Variants in ZFAND3 observed in about 807,000 individuals in gnomAD.
ZFAND3 encodes AN1-type zinc finger protein 3.
Under a neutral mutation model 29.6 loss-of-function variants are expected in ZFAND3, and 10 were observed. The observed-to-expected ratio is 0.34, with a 90% CI of 0.21 to 0.57. The LOEUF (loss-of-function observed/expected upper bound fraction) is 0.57. Ranked by LOEUF, ZFAND3 falls within the 20% of genes least tolerant of loss-of-function variation. The pLI is 0.86. For missense variants in ZFAND3, 230 were observed against 304.5 expected (o/e 0.76, Z 1.82); for synonymous variants, 128 against 112.6 (o/e 1.14, Z -0.87).
chr6:38,019,685 A>G (rs1763312908), intron 2 of ZFAND3, among the ~76,000 whole-genome samples: 1 of 152,026 alleles, frequency 6.6e-6, no homozygotes, highest in African/African-American at 2.4e-5. Context: ...TATGTTTTTG[A>G]TGAAAGACAT....
chr6:37,837,074 C>T (rs534951988), intron 1 of ZFAND3, among the ~76,000 whole-genome samples: 13 of 152,268 alleles, frequency 8.5e-5, no homozygotes, highest in African/African-American at 3.1e-4. Context: ...GTCTCTCCCC[C>T]TCCCCCGTAT....
At chr6:38,029,318 C>T (rs1443608557) in intron 2 of ZFAND3, among the ~76,000 whole-genome samples, 2 of 152,170 alleles carry the variant, frequency 1.3e-5, no homozygotes, top group African/African-American at 4.8e-5. Flanking sequence ...TACAAATTTT[C>T]AGCCTTTGGA....
rs182444126 is a variant in ZFAND3, at chr6:37,879,584, A to G, written c.72-50375A>G. ...AAATGAGTTAACTGTAATTAAAGGT[A>G]CTTAAAAATGTGTGTTTCTTAAACT... On this transcript the variant is annotated intron_variant, in intron 1 of 5. Coordinates refer to ENST00000287218, the MANE Select transcript of ZFAND3 (RefSeq NM_021943.3). Among the ~76,000 whole-genome samples the G allele has an allele frequency of 3.3e-5, 5 of 152,320 alleles. No homozygotes were observed. In the East Asian group the frequency reaches 9.6e-4, roughly 29 times the overall value.
At chr6:37,883,918 C>T (rs184555109) in intron 1 of ZFAND3, among the ~76,000 whole-genome samples, 2 of 145,258 alleles carry the variant, frequency 1.4e-5, no homozygotes, top group Non-Finnish European at 3.0e-5. Flanking sequence ...AGGAGATTCG[C>T]CAGGCCTGGG....
At chr6:38,095,509 T>G (rs933616525) in intron 4 of ZFAND3, among the ~76,000 whole-genome samples, 2 of 152,156 alleles carry the variant, frequency 1.3e-5, no homozygotes, top group Admixed American at 6.5e-5. Context: ...ACCTGAAACC[T>G]TTTTCCTAGC....
intron 4 of ZFAND3, among the ~76,000 whole-genome samples, chr6:38,101,176 T>C (rs1255095418): frequency 1.3e-5 from 2 of 152,232 alleles, no homozygotes; most frequent in East Asian, 1.9e-4. Context: ...ACAATTTTCA[T>C]AATAATGATT....
At chr6:38,021,346 G>A (rs1581845625) in intron 2 of ZFAND3, among the ~76,000 whole-genome samples, 1 of 152,316 alleles carries the variant, frequency 6.6e-6, no homozygotes, top group East Asian at 1.9e-4. Flanking sequence ...TGAGAGAAGA[G>A]GTAGGAAAGA....
chr6:37,954,732 T>G (rs1762056464), intron 2 of ZFAND3, among the ~76,000 whole-genome samples: 1 of 152,240 alleles, frequency 6.6e-6, no homozygotes, highest in Non-Finnish European at 1.5e-5. Flanking sequence ...CATGCTTTAT[T>G]CTGGGATACA....
intron 1 of ZFAND3, among the ~76,000 whole-genome samples, chr6:37,920,663 T>C (rs897958956): frequency 1.3e-5 from 2 of 152,232 alleles, no homozygotes; most frequent in African/African-American, 4.8e-5. Flanking sequence ...GCAGGATCCA[T>C]ATTGCTACAT....
chr6:38,113,291 T>C (rs1217740496), intron 4 of ZFAND3, among the ~76,000 whole-genome samples: 1 of 152,196 alleles, frequency 6.6e-6, no homozygotes, highest in Admixed American at 6.5e-5. Context: ...GGGACATTGA[T>C]TGTCAGAGGA....
intron 2 of ZFAND3, among the ~76,000 whole-genome samples, chr6:38,023,748 C>CA (rs1763394662): frequency 6.6e-6 from 1 of 152,242 alleles, no homozygotes; most frequent in Non-Finnish European, 1.5e-5. Context: ...ATAGCTTTTA[C>CA]AAAAAAGTGA....
chr6:38,149,692 A>G (rs1252900711), intron 5 of ZFAND3, among the ~76,000 whole-genome samples: 1 of 152,162 alleles, frequency 6.6e-6, no homozygotes, highest in Non-Finnish European at 1.5e-5. Flanking sequence ...AAGCTAAGCA[A>G]ACATGGAGAA....
At chr6:37,838,852 A>G (rs1764017593) in intron 1 of ZFAND3, among the ~76,000 whole-genome samples, 3 of 152,178 alleles carry the variant, frequency 2.0e-5, no homozygotes, top group Admixed American at 2.0e-4. Flanking sequence ...GAATTTCGGG[A>G]TGATATGGTA....
intron 5 of ZFAND3, among the ~76,000 whole-genome samples, chr6:38,139,799 T>G (rs1381124050): frequency 6.6e-6 from 1 of 151,982 alleles, no homozygotes; most frequent in Non-Finnish European, 1.5e-5. Context: ...CTGGTCTCTT[T>G]GACTAGGTGG....
At chr6:38,042,193 T>C (rs927811007) in intron 2 of ZFAND3, among the ~76,000 whole-genome samples, 6 of 152,096 alleles carry the variant, frequency 3.9e-5, no homozygotes, top group African/African-American at 1.4e-4. Flanking sequence ...AAATAGAATT[T>C]GCTGCATTAA....
chr6:37,948,753 G>C (rs1336276144), intron 2 of ZFAND3, among the ~76,000 whole-genome samples: 1 of 152,126 alleles, frequency 6.6e-6, no homozygotes, highest in African/African-American at 2.4e-5. Context: ...ATGACTTCCA[G>C]CTCCATCCAT....
chr6:38,123,068 C>T (rs1005716752), intron 5 of ZFAND3, among the ~76,000 whole-genome samples: 4 of 152,212 alleles, frequency 2.6e-5, no homozygotes, highest in African/African-American at 4.8e-5. Context: ...GTTTTGAATA[C>T]AGTCAACATG....
chr6:37,844,407 G>A (rs1242436565), intron 1 of ZFAND3, among the ~76,000 whole-genome samples: 9 of 151,924 alleles, frequency 5.9e-5, no homozygotes, highest in East Asian at 2.0e-4. Flanking sequence ...TCAGGCTCCC[G>A]AGTAGCTGGG....
chr6:38,075,028 C>T (rs531777896), intron 3 of ZFAND3, among the ~76,000 whole-genome samples: 47 of 152,238 alleles, frequency 3.1e-4, no homozygotes, highest in African/African-American at 1.1e-3. Flanking sequence ...TATTATTGTT[C>T]ATTGACAATA....
Sources: allele counts gnomAD v4.1 joint callset (sites outside exome capture counted in the v4.1 genomes callset), GRCh38; gene constraint gnomAD v4.1.1; transcripts MANE v1.5; gene names NCBI Gene and HGNC (gene_info 2026-07-23, HGNC 2026-07-21).